KCNT2: variants seen among roughly 807,000 people sequenced by gnomAD.
KCNT2 encodes the protein potassium sodium-activated channel subfamily T member 2.
KCNT2 carries 67 observed loss-of-function variants against 153.8 expected under a neutral mutation model. The observed-to-expected ratio is 0.44, with a 90% CI of 0.36 to 0.53. KCNT2 has a LOEUF of 0.53. KCNT2 is among the 20% of genes least tolerant of loss of function. The pLI, the probability that KCNT2 is intolerant of heterozygous loss-of-function variation, is 0.00. For missense variants in KCNT2, 975 were observed against 1,354.8 expected (o/e 0.72, Z 4.40); for synonymous variants, 500 against 458.8 (o/e 1.09, Z -1.15).
intron 12 of KCNT2, among the ~76,000 whole-genome samples, chr1:196,418,220 A>T (rs1297379061): frequency 6.6e-6 from 1 of 152,090 alleles, no homozygotes; most frequent in Non-Finnish European, 1.5e-5. Context: ...TCACACCTGT[A>T]ATCCCAGCGC....
At chr1:196,448,366 G>A (rs971544229) in intron 8 of KCNT2, among the ~76,000 whole-genome samples, 19 of 151,386 alleles carry the variant, frequency 1.3e-4, no homozygotes, top group African/African-American at 4.6e-4. Flanking sequence ...AAAATATATT[G>A]TATTATTATA....
chr1:196,431,565 C>G (rs567535062), intron 8 of KCNT2, among the ~76,000 whole-genome samples: 5 of 152,144 alleles, frequency 3.3e-5, no homozygotes, highest in African/African-American at 1.2e-4. Context: ...GAGGAAAAGG[C>G]ATCCTTATTA....
intron 12 of KCNT2, among the ~76,000 whole-genome samples, chr1:196,410,218 G>A (rs1214553528): frequency 6.6e-6 from 1 of 151,446 alleles, no homozygotes; most frequent in African/African-American, 2.4e-5. Context: ...ATATAGTTTT[G>A]AAATTAATCC....
chr1:196,502,734 A>T (rs1165157322), intron 1 of KCNT2, among the ~76,000 whole-genome samples: 1 of 152,092 alleles, frequency 6.6e-6, no homozygotes, highest in Non-Finnish European at 1.5e-5. Flanking sequence ...GCAAAAAAGT[A>T]TTTCTTTTCA....
chr1:196,513,586 CTT>C (rs1681814319), intron 1 of KCNT2, among the ~76,000 whole-genome samples: 1 of 152,186 alleles, frequency 6.6e-6, no homozygotes. Flanking sequence ...ATGAACAACT[CTT>C]ACGTTAACTA....
chr1:196,263,222 C>T (rs561800732), intron 25 of KCNT2, among the ~76,000 whole-genome samples: 9 of 150,832 alleles, frequency 6.0e-5, no homozygotes, highest in South Asian at 2.1e-4. Flanking sequence ...GTGTGCAGAA[C>T]GTGCAGGTTT....
chr1:196,259,244 C>A (rs1371850127), intron 25 of KCNT2, among the ~76,000 whole-genome samples: 1 of 152,024 alleles, frequency 6.6e-6, no homozygotes, highest in East Asian at 1.9e-4. Context: ...AAACAATGAA[C>A]AAACTCACAA....
At chr1:196,472,198 T>A (rs1678162363) in intron 5 of KCNT2, among the ~76,000 whole-genome samples, 1 of 152,176 alleles carries the variant, frequency 6.6e-6, no homozygotes, top group African/African-American at 2.4e-5. Context: ...GAGTAAATGA[T>A]ACTCCCAGCT....
intron 25 of KCNT2, chr1:196,273,405 TA>T: frequency 1.9e-6 from 2 of 1,070,250 alleles, no homozygotes. Flanking sequence ...TATTTTTCTT[TA>T]ATAGCTCTGA....
chr1:196,402,038 A>G (rs1390308803), intron 12 of KCNT2, among the ~76,000 whole-genome samples: 1 of 151,498 alleles, frequency 6.6e-6, no homozygotes, highest in East Asian at 2.0e-4. Context: ...GAAAAAAACT[A>G]TGAAACCAGA....
chr1:196,333,952 G>A lies in KCNT2; in HGVS notation c.1892C>T (p.Pro631Leu), dbSNP rs868042581. 6.2e-7 allele frequency: 1 copy of A among 1,612,758 alleles called. No individual in the cohort carries two copies. The highest frequency in any genetic ancestry group is 8.5e-7 in the Non-Finnish European group (1 of 1,179,126). Residue 631 changes from proline to leucine, a missense_variant, in exon 17 of 28, where the codon CCT becomes CTT. Physicochemically the swap from Pro to Leu is moderately conservative, Grantham distance 98 (BLOSUM62 -3). This residue lies in a region of KCNT2 where 325 missense variants were observed against 388.1 expected (regional missense o/e 0.84). Coordinates refer to ENST00000294725, the MANE Select transcript of KCNT2 (RefSeq NM_198503.5). ...TGATGTATCTGCAACCTCTAAAACA[G>A]GAGCAATGCTAGGTCTTCTTATTTC... ...SKEIRRPSIA[P>L]VLEVADTSSI...
chr1:196,352,357 CT>C (rs1666788998), intron 14 of KCNT2, among the ~76,000 whole-genome samples: 1 of 151,726 alleles, frequency 6.6e-6, no homozygotes, highest in Non-Finnish European at 1.5e-5. Flanking sequence ...GGTTGGTAAG[CT>C]ATTGATTATT....
At chr1:196,429,906 A>T (rs1440409792) in intron 8 of KCNT2, 149 bp from the exon 9 acceptor site, 1 of 593,054 alleles carries the variant, frequency 1.7e-6, no homozygotes, top group Admixed American at 3.5e-5. Flanking sequence ...GGAAAGATAT[A>T]ATTAGTAAGT....
intron 14 of KCNT2, among the ~76,000 whole-genome samples, chr1:196,350,075 A>G (rs1466441792): frequency 2.6e-5 from 4 of 152,128 alleles, no homozygotes; most frequent in African/African-American, 9.7e-5. Flanking sequence ...CATGGTGTAT[A>G]TGTGCCACAT....
chr1:196,397,055 C>T (rs1358098576), intron 13 of KCNT2, among the ~76,000 whole-genome samples: 1 of 151,332 alleles, frequency 6.6e-6, no homozygotes, highest in East Asian at 2.0e-4. Flanking sequence ...TTATTAAATC[C>T]TTACTATTAA....
intron 25 of KCNT2, among the ~76,000 whole-genome samples, chr1:196,261,019 A>ATG (rs1018654506): frequency 1.3e-5 from 2 of 151,528 alleles, no homozygotes; most frequent in African/African-American, 2.4e-5. Flanking sequence ...TGGATATTGA[A>ATG]TGTGTGTGTG....
At chr1:196,581,579 C>T (rs1161469207) in intron 1 of KCNT2, among the ~76,000 whole-genome samples, 1 of 151,926 alleles carries the variant, frequency 6.6e-6, no homozygotes, top group East Asian at 1.9e-4. Context: ...AAAGTCCTCT[C>T]AGTGGCCGAC....
intron 5 of KCNT2, 138 bp from the exon 6 acceptor site, chr1:196,469,206 G>A: frequency 1.8e-6 from 1 of 541,774 alleles, no homozygotes; most frequent in Non-Finnish European, 3.4e-6. Flanking sequence ...TAGAGATGTA[G>A]CAATGACTTT....
At chr1:196,528,992 A>G (rs1435377218) in intron 1 of KCNT2, among the ~76,000 whole-genome samples, 1 of 150,218 alleles carries the variant, frequency 6.7e-6, no homozygotes, top group Non-Finnish European at 1.5e-5. Flanking sequence ...TGACTGAATA[A>G]CTTTTTAGAA....
Sources: gnomAD v4.1 joint callset for allele counts (sites outside exome capture counted in the v4.1 genomes callset) on GRCh38, gnomAD v4.1.1 for gene constraint, gnomAD v4.1.1 regional missense constraint, MANE v1.5 for transcripts, NCBI Gene and HGNC (gene_info 2026-07-23, HGNC 2026-07-21) for gene names.